Variants in GRIK4 observed in about 807,000 individuals in gnomAD.
GRIK4 encodes the protein glutamate receptor ionotropic, kainate 4.
In GRIK4, 40 loss-of-function variants were observed where a neutral mutation model predicts 104.9. That is an observed-to-expected ratio of 0.38 (90% CI 0.30 to 0.50). The LOEUF is 0.50. Ranked by LOEUF, GRIK4 falls within the 20% of genes least tolerant of loss-of-function variation. The probability of loss-of-function intolerance (pLI) is 0.93; values close to 1 mark genes in which losing one functional copy is unlikely to be tolerated. For missense variants in GRIK4, 1,047 were observed against 1,308.1 expected, an observed-to-expected ratio of 0.80 and a Z score of 3.08; for synonymous variants, 485 against 524.9, an observed-to-expected ratio of 0.92 and a Z score of 1.04.
chr11:120,869,255 AGCGG>A (rs1289530921), intron 9 of GRIK4: 2 of 152,746 alleles, frequency 1.3e-5, no homozygotes, highest in African/African-American at 4.8e-5. Flanking sequence ...AGGAGACTGC[AGCGG>A]GGGAGAAGAC....
At chr11:120,533,225 A>C (rs1395567036) in intron 1 of GRIK4, among the ~76,000 whole-genome samples, 1 of 152,224 alleles carries the variant, frequency 6.6e-6, no homozygotes, top group Non-Finnish European at 1.5e-5. Context: ...AGCACATGTC[A>C]CAGCTGGGTC....
chr11:120,944,105 C>T (rs1028471251), intron 14 of GRIK4, among the ~76,000 whole-genome samples: 3 of 152,074 alleles, frequency 2.0e-5, no homozygotes, highest in Admixed American at 6.6e-5. Flanking sequence ...CTTTGGCATT[C>T]GTTACTGTTT....
In GRIK4 at chr11:120,986,368, C is replaced by A. The variant is rs1219795952; in HGVS notation, c.*108C>A. The A allele has an allele frequency of 6.9e-6, 9 of 1,297,478 alleles. No individual in the cohort carries two copies. The highest frequency in any genetic ancestry group is 2.7e-4 in the Middle Eastern group (1 of 3,678). 80.4% of individuals were successfully genotyped at this position (1,297,478 alleles called of 1,614,324 possible). A position where few individuals can be genotyped will look rare whatever the true frequency, so the allele number is the denominator to read the frequency against. On this transcript the variant is annotated 3_prime_UTR_variant, in exon 21 of 21. Coordinates refer to ENST00000527524, the MANE Select transcript of GRIK4 (RefSeq NM_014619.5). ...GAACTTGTACAGCGTCGACACCTCT[C>A]CAGATTTCGGATCCAGTCACTTTTC... is the stretch of plus-strand genomic sequence containing the variant.
At chr11:120,593,439 C>T (rs562047112) in intron 1 of GRIK4, among the ~76,000 whole-genome samples, 13 of 152,114 alleles carry the variant, frequency 8.5e-5, no homozygotes, top group East Asian at 5.8e-4. Flanking sequence ...CAGCAGCATT[C>T]GACACTTCCC....
At chr11:120,692,360 G>T (rs1479238358) in intron 3 of GRIK4, among the ~76,000 whole-genome samples, 2 of 152,210 alleles carry the variant, frequency 1.3e-5, no homozygotes, top group Non-Finnish European at 2.9e-5. Context: ...TTGTCTTTGT[G>T]CTGAGTGCTG....
At chr11:120,796,184 C>T (rs569461901) in intron 3 of GRIK4, among the ~76,000 whole-genome samples, 5 of 151,934 alleles carry the variant, frequency 3.3e-5, no homozygotes, top group Admixed American at 1.3e-4. Flanking sequence ...TACATGTGCC[C>T]GCCACAACGC....
chr11:120,924,367 G>A (rs992081722), intron 13 of GRIK4, among the ~76,000 whole-genome samples: 2 of 152,068 alleles, frequency 1.3e-5, no homozygotes, highest in East Asian at 1.9e-4. Context: ...TCAGCAGAGC[G>A]TTTAGTGGCA....
At chr11:120,921,767 T>C (rs1346628332) in intron 13 of GRIK4, among the ~76,000 whole-genome samples, 3 of 150,968 alleles carry the variant, frequency 2.0e-5, no homozygotes, top group African/African-American at 7.3e-5. Context: ...CCAGGGGGAG[T>C]TGTCTGACTC....
intron 1 of GRIK4, among the ~76,000 whole-genome samples, chr11:120,529,477 A>G (rs896332871): frequency 6.6e-6 from 1 of 152,226 alleles, no homozygotes; most frequent in African/African-American, 2.4e-5. Context: ...CAGCCTGGGC[A>G]CCAGTGACCA....
chr11:120,906,460 T>C (rs1942868852), intron 13 of GRIK4, among the ~76,000 whole-genome samples: 1 of 152,214 alleles, frequency 6.6e-6, no homozygotes, highest in Non-Finnish European at 1.5e-5. Context: ...TGGTTGTTAG[T>C]CCCACTTTAC....
chr11:120,591,345 G>T (rs1406332298), intron 1 of GRIK4, among the ~76,000 whole-genome samples: 2 of 152,062 alleles, frequency 1.3e-5, no homozygotes, highest in Non-Finnish European at 2.9e-5. Flanking sequence ...TAGCTGGGCT[G>T]TGATGCTGGC....
chr11:120,584,371 T>C (rs1013185792), intron 1 of GRIK4, among the ~76,000 whole-genome samples: 1 of 152,230 alleles, frequency 6.6e-6, no homozygotes, highest in Admixed American at 6.5e-5. Flanking sequence ...GGCTCACAGA[T>C]CTGCAGGCTT....
At chr11:120,871,522 G>A (rs1020354464) in intron 9 of GRIK4, 1 of 442,922 alleles carries the variant, frequency 2.3e-6, no homozygotes, top group African/African-American at 2.0e-5. Context: ...CAGCAAGACT[G>A]CAGAGGTGTG....
intron 11 of GRIK4, among the ~76,000 whole-genome samples, chr11:120,892,774 T>C (rs1177746093): frequency 6.6e-6 from 1 of 152,196 alleles, no homozygotes; most frequent in East Asian, 1.9e-4. Context: ...CAAAGGACTA[T>C]GGGTAGCCCC....
At chr11:120,526,458 A>G (rs1174590062) in intron 1 of GRIK4, among the ~76,000 whole-genome samples, 3 of 152,210 alleles carry the variant, frequency 2.0e-5, no homozygotes, top group Non-Finnish European at 4.4e-5. Flanking sequence ...TCGGCCTCTC[A>G]AAGCCCTGGG....
chr11:120,605,751 G>A (rs548557544), intron 1 of GRIK4, among the ~76,000 whole-genome samples: 48 of 152,372 alleles, frequency 3.2e-4, no homozygotes, highest in Middle Eastern at 3.4e-3. Flanking sequence ...GGCACAGAGC[G>A]TGGAGAGGTG....
At chr11:120,715,202 C>A (rs1950806506) in intron 3 of GRIK4, among the ~76,000 whole-genome samples, 1 of 152,130 alleles carries the variant, frequency 6.6e-6, no homozygotes, top group Admixed American at 6.5e-5. Context: ...ATCTGTGGAG[C>A]AATAATTGAA....
chr11:120,897,743 G>C (rs1175147580), intron 11 of GRIK4, among the ~76,000 whole-genome samples: 1 of 151,696 alleles, frequency 6.6e-6, no homozygotes, highest in East Asian at 1.9e-4. Context: ...AGCATGTATT[G>C]AGTGCCAGGT....
At chr11:120,653,589 T>G (rs1389545881) in intron 1 of GRIK4, 96 bp from the exon 2 acceptor site, 1 of 152,222 alleles carries the variant, frequency 6.6e-6, no homozygotes, top group African/African-American at 2.4e-5. Flanking sequence ...AAATTCCTCC[T>G]CTTCAGTGAC....
Sources: gnomAD v4.1 joint callset for allele counts (sites outside exome capture counted in the v4.1 genomes callset) on GRCh38, gnomAD v4.1.1 for gene constraint, MANE v1.5 for transcripts, NCBI Gene and HGNC (gene_info 2026-07-23, HGNC 2026-07-21) for gene names.